TENM2: variants seen among roughly 807,000 people sequenced by gnomAD.
The protein encoded by TENM2 is teneurin-2.
In TENM2, 52 loss-of-function variants were observed where a neutral mutation model predicts 245.2. The observed-to-expected ratio is 0.21, with a 90% CI of 0.17 to 0.27. TENM2 has a LOEUF of 0.27. TENM2 is among the 10% of genes least tolerant of loss of function. The probability of loss-of-function intolerance (pLI) is 1.00; values close to 1 mark genes in which losing one functional copy is unlikely to be tolerated. For synonymous variants in TENM2, 1,363 were observed against 1,438.9 expected (o/e 0.95, Z 1.19); for missense variants, 3,046 against 3,666.8 (o/e 0.83, Z 4.37).
At chr5:167,848,751 AT>A (rs1770290431) in intron 2 of TENM2, among the ~76,000 whole-genome samples, 1 of 152,112 alleles carries the variant, frequency 6.6e-6, no homozygotes, top group African/African-American at 2.4e-5. Context: ...ATTTCCATTT[AT>A]GGTTGATTTA....
the TENM2 span, among the ~76,000 whole-genome samples, chr5:167,051,613 C>A: frequency 1.3e-5 from 2 of 152,152 alleles, no homozygotes; most frequent in African/African-American, 4.8e-5. Flanking sequence ...TCGGAGGAGG[C>A]GAGAGAAACT....
At chr5:167,177,261 G>T in the TENM2 span, among the ~76,000 whole-genome samples, 1 of 152,148 alleles carries the variant, frequency 6.6e-6, no homozygotes, top group South Asian at 2.1e-4. Context: ...ATTATTTGAG[G>T]CATGTATACA....
the TENM2 span, among the ~76,000 whole-genome samples, chr5:167,163,751 T>C: frequency 3.3e-4 from 51 of 152,300 alleles, no homozygotes; most frequent in East Asian, 9.3e-3. Context: ...CAGCAGGCTG[T>C]TGCTACCCAG....
At chr5:167,562,977 A>T (rs1773692945) in intron 2 of TENM2, among the ~76,000 whole-genome samples, 1 of 149,956 alleles carries the variant, frequency 6.7e-6, no homozygotes, top group African/African-American at 2.5e-5. Flanking sequence ...AAAAAAAAAG[A>T]AAAAGAAAAA....
At chr5:167,625,318 C>T (rs1009403156) in intron 2 of TENM2, among the ~76,000 whole-genome samples, 6 of 152,084 alleles carry the variant, frequency 3.9e-5, no homozygotes, top group African/African-American at 1.4e-4. Flanking sequence ...ATAAGAAGAC[C>T]ATTCCCTGGC....
At chr5:168,158,829 G>GTGTATATA (rs1397260649) in intron 12 of TENM2, among the ~76,000 whole-genome samples, 2 of 63,718 alleles carry the variant, frequency 3.1e-5, no homozygotes, top group African/African-American at 1.2e-4. Flanking sequence ...GTGTGTGTGT[G>GTGTATATA]TATATATATA....
At chr5:167,258,215 G>GTGTATATATATATATATA in the TENM2 span, among the ~76,000 whole-genome samples, 24 of 122,882 alleles carry the variant, frequency 2.0e-4, no homozygotes, top group African/African-American at 7.5e-4. Flanking sequence ...ATATATATAT[G>GTGTATATATATATATATA]TATATATATA....
chr5:168,001,060 A>G (rs1373014121), intron 5 of TENM2, among the ~76,000 whole-genome samples: 1 of 152,204 alleles, frequency 6.6e-6, no homozygotes, highest in East Asian at 1.9e-4. Flanking sequence ...TGTTGAACTC[A>G]TGAATGCTGA....
rs983746452 is a variant in TENM2 at position 168,078,990 on chromosome 5, A to G, written c.1516-11584A>G. ...GGAAAGTCATTGGTAGCTTGATGGGAATGGCATTGAATCTATAAATTACCT... is the reference window on the plus strand; with the variant it reads ...GGAAAGTCATTGGTAGCTTGATGGGGATGGCATTGAATCTATAAATTACCT... On this transcript the variant is annotated intron_variant, in intron 7 of 28. Transcript: ENST00000518659. Among the ~76,000 whole-genome samples, 14 of 152,104 alleles carry G rather than the reference A, an allele frequency of 9.2e-5. No homozygotes were observed. In the South Asian group the frequency reaches 2.3e-3, roughly 25 times the overall value.
intron 5 of TENM2, among the ~76,000 whole-genome samples, chr5:168,022,848 C>G (rs1160036385): frequency 2.0e-5 from 3 of 152,134 alleles, no homozygotes; most frequent in Admixed American, 6.5e-5. Flanking sequence ...ATTGGGGACT[C>G]AGGGGCAGCC....
chr5:167,078,609 C>A, the TENM2 span, among the ~76,000 whole-genome samples: 1 of 152,138 alleles, frequency 6.6e-6, no homozygotes, highest in African/African-American at 2.4e-5. Flanking sequence ...TTATTCCCAA[C>A]AGTCATGTTC....
intron 2 of TENM2, among the ~76,000 whole-genome samples, chr5:167,564,259 C>T (rs1048265790): frequency 1.5e-4 from 23 of 152,190 alleles, no homozygotes; most frequent in African/African-American, 5.3e-4. Flanking sequence ...GGAGGAAACA[C>T]CCAAACAGAG....
intron 2 of TENM2, among the ~76,000 whole-genome samples, chr5:167,544,633 A>AATTCATCT (rs1772434729): frequency 6.6e-6 from 1 of 152,284 alleles, no homozygotes; most frequent in South Asian, 2.1e-4. Context: ...TTGATTCATT[A>AATTCATCT]ATTCATCTAC....
At chr5:167,155,964 C>T in the TENM2 span, among the ~76,000 whole-genome samples, 1 of 152,186 alleles carries the variant, frequency 6.6e-6, no homozygotes, top group Non-Finnish European at 1.5e-5. Context: ...CACTCTTGAG[C>T]GTGTCTGGGT....
intron 1 of TENM2, among the ~76,000 whole-genome samples, chr5:167,330,309 A>T (rs1312717034): frequency 6.6e-6 from 1 of 152,168 alleles, no homozygotes; most frequent in Non-Finnish European, 1.5e-5. Context: ...TTCCTGTTTT[A>T]CAGTTGAGGA....
intron 4 of TENM2, among the ~76,000 whole-genome samples, chr5:167,963,038 G>A (rs1781130644): frequency 6.6e-6 from 1 of 152,168 alleles, no homozygotes; most frequent in African/African-American, 2.4e-5. Flanking sequence ...ACCTAAAGGA[G>A]GAGGCAGGTA....
chr5:167,868,536 C>G (rs1244875446), intron 2 of TENM2, among the ~76,000 whole-genome samples: 1 of 151,788 alleles, frequency 6.6e-6, no homozygotes, highest in Non-Finnish European at 1.5e-5. Context: ...GTCAGGAGTT[C>G]TAGACCAGCC....
intron 2 of TENM2, among the ~76,000 whole-genome samples, chr5:167,424,971 G>C (rs1379598996): frequency 1.3e-5 from 2 of 152,126 alleles, no homozygotes; most frequent in Admixed American, 1.3e-4. Flanking sequence ...TTTATTATAA[G>C]TATATCACAA....
chr5:167,928,549 G>A (rs774521648), intron 3 of TENM2, among the ~76,000 whole-genome samples: 5 of 152,044 alleles, frequency 3.3e-5, no homozygotes, highest in African/African-American at 7.2e-5. Context: ...GAAGGAGGGC[G>A]ATATGCTTAT....
Sources: allele counts gnomAD v4.1 joint callset (sites outside exome capture counted in the v4.1 genomes callset), GRCh38; gene constraint gnomAD v4.1.1; transcripts MANE v1.5; gene names NCBI Gene and HGNC (gene_info 2026-07-23, HGNC 2026-07-21).